Variants in CHUK observed in about 807,000 individuals in gnomAD.
CHUK encodes the protein inhibitor of nuclear factor kappa-B kinase subunit alpha.
CHUK carries 35 observed loss-of-function variants against 104.8 expected under a neutral mutation model. That is an observed-to-expected ratio of 0.33 (90% CI 0.26 to 0.44). The LOEUF (loss-of-function observed/expected upper bound fraction) is 0.44, where lower values mean the gene tolerates loss of function less well. CHUK is among the 20% of genes least tolerant of loss of function. The pLI is 1.00. For missense variants in CHUK, 663 were observed against 902.7 expected, an observed-to-expected ratio of 0.73 and a Z score of 3.40; for synonymous variants, 276 against 291.9, an observed-to-expected ratio of 0.95 and a Z score of 0.56.
chr10:100,229,364 C>T, intron 1 of CHUK, 64 bp downstream of exon 1: 2 of 1,223,546 alleles, frequency 1.6e-6, no homozygotes, highest in Admixed American at 1.8e-5. Context: ...GCCCTGTGTT[C>T]CACAGACGCT....
At chr10:100,203,670 T>C (rs1255324657) in intron 13 of CHUK, among the ~76,000 whole-genome samples, 2 of 152,094 alleles carry the variant, frequency 1.3e-5, no homozygotes, top group Non-Finnish European at 2.9e-5. Context: ...TTTAACTCTG[T>C]TTTTTTACAC....
chr10:100,217,530 G>C (rs940501054), intron 9 of CHUK, among the ~76,000 whole-genome samples: 1 of 152,120 alleles, frequency 6.6e-6, no homozygotes. Flanking sequence ...AACTGAGACA[G>C]CTTGCTAAAT....
In CHUK at chr10:100,193,213, C is replaced by A. The variant is rs541835205; in HGVS notation, c.2108+85G>T. 1.7e-4 allele frequency: 253 copies of A among 1,478,994 alleles called. No individual in the cohort carries two copies. The African/African-American group carries it at 3.2e-3, about 19-fold the overall frequency. 91.6% of individuals were successfully genotyped at this position (1,478,994 alleles called of 1,614,324 possible). ...AGGACTCAACCCTGGTCTGAAGGCA[C>A]AGAAGACTACCTTAACAACTACTGC... On this transcript the variant is annotated intron_variant, in intron 19 of 20. Coordinates refer to ENST00000370397, the MANE Select transcript of CHUK (RefSeq NM_001278.5).
In CHUK at chr10:100,200,682, C is replaced by T. The variant is rs778779760; in HGVS notation, c.1668G>A (p.Leu556=). The stretch of plus-strand genomic sequence containing the variant: ...AAGTGCATCCTTACAGAGATTCCAT[C>T]AAGTCTCCCTGACGTCTTCCATAGG... ...KSPYGRRQGD[L]MESLEQRAID... is the part of the protein sequence containing the mutation. Residue 556 remains leucine (L), a synonymous_variant, in exon 15 of 21, where the codon TTG becomes TTA. Coordinates refer to ENST00000370397, the MANE Select transcript of CHUK (RefSeq NM_001278.5). 6.6e-7 allele frequency: 1 copy of T among 1,509,626 alleles called. No individual in the cohort carries two copies. The highest frequency in any genetic ancestry group is 9.2e-7 in the Non-Finnish European group (1 of 1,085,420). The allele number at this position is 1,509,626 out of a possible 1,614,324, so 93.5% of individuals were successfully genotyped here.
chr10:100,220,614 T>G lies in CHUK; in HGVS notation c.448A>C (p.Ile150Leu). ...IIHRDLKPEN[I>L]VLQDVGGKII... ...TTTCCACCAACATCCTGAAGAACTATGTTTTCAGGTTTTAGATCTCGATGT... is the reference window on the plus strand; with the variant it reads ...TTTCCACCAACATCCTGAAGAACTAGGTTTTCAGGTTTTAGATCTCGATGT... Residue 150 changes from isoleucine (I) to leucine (L), a missense_variant, in exon 5 of 21, where the codon ATA becomes CTA. By Grantham distance (5) the Ile-to-Leu change is conservative. This residue lies in a region of CHUK where 200 missense variants were observed against 333.0 expected (regional missense o/e 0.60). Transcript: ENST00000370397. 1 of 1,611,820 alleles carries G rather than the reference T, an allele frequency of 6.2e-7. No individual in the cohort carries two copies. The highest frequency in any genetic ancestry group is 8.5e-7 in the Non-Finnish European group (1 of 1,178,016).
chr10:100,226,438 GT>G (rs1846107676), intron 1 of CHUK, among the ~76,000 whole-genome samples: 1 of 152,124 alleles, frequency 6.6e-6, no homozygotes, highest in Admixed American at 6.5e-5. Context: ...GCAAGAGAAA[GT>G]TTTAATATAA....
intron 16 of CHUK, chr10:100,194,735 A>G (rs1845285398): frequency 2.6e-6 from 1 of 387,708 alleles, no homozygotes; most frequent in East Asian, 5.1e-5. Context: ...CAGGTGTATA[A>G]TGTATATATA....
At position 100,190,901 on chromosome 10, in the gene CHUK, C is replaced by T; in HGVS notation, c.2176G>A (p.Glu726Lys). The T allele has an allele frequency of 6.2e-7, 1 of 1,611,780 alleles. No individual in the cohort carries two copies. Among genetic ancestry groups the T allele is most frequent in the Non-Finnish European group, 8.5e-7 (1 of 1,177,794 alleles). ...CLGHLSTIIH[E>K]ANEEQGNSMM... ...CTATTGCCCTGTTCCTCATTTGCCT[C>T]ATGAATAATAGTGCTTAAATGGCCA... The change falls in exon 20 of 21, where the codon GAG becomes AAG. Residue 726 changes from glutamate (E) to lysine (K), a missense_variant. Glu to Lys is a moderately conservative substitution (Grantham distance 56). Transcript: ENST00000370397.
At chr10:100,228,126 T>C (rs933769735) in intron 1 of CHUK, among the ~76,000 whole-genome samples, 1 of 152,216 alleles carries the variant, frequency 6.6e-6, no homozygotes, top group African/African-American at 2.4e-5. Context: ...TTTACACACA[T>C]TACTATTTTA....
intron 10 of CHUK, among the ~76,000 whole-genome samples, chr10:100,207,861 A>T (rs1845625458): frequency 6.6e-6 from 1 of 151,084 alleles, no homozygotes; most frequent in Non-Finnish European, 1.5e-5. Context: ...AATTTACTTT[A>T]AAAAAAAATC....
chr10:100,225,901 G>GTAA, intron 2 of CHUK, 22 bp downstream of exon 2: 1 of 1,404,828 alleles, frequency 7.1e-7, no homozygotes. Flanking sequence ...CCAGGGAAAT[G>GTAA]TAAGTCAAGG....
rs202214431 is a variant in CHUK, at chr10:100,229,415, C to G, written c.105+13G>C. 1.3e-6 allele frequency: 2 copies of G among 1,592,298 alleles called. No homozygotes were observed. Among genetic ancestry groups the G allele is most frequent in the Admixed American group, 1.7e-5 (1 of 59,546 alleles). On this transcript the variant is annotated intron_variant, in intron 1 of 20. Coordinates refer to ENST00000370397, the MANE Select transcript of CHUK (RefSeq NM_001278.5). ...TCCAACCCACCGCCGCTCCCTCTCA[C>G]GCCCCGCCTCACCCGATGCTGGTAC...
chr10:100,197,502 G>A (rs1278474427), intron 16 of CHUK, among the ~76,000 whole-genome samples: 1 of 151,696 alleles, frequency 6.6e-6, no homozygotes, highest in African/African-American at 2.4e-5. Context: ...GGGTTTTTCA[G>A]GAATTAAACA....
rs1223723882 is a variant in CHUK at position 100,190,884 on chromosome 10, C to G, written c.2193G>C (p.Gln731His). Residue 731 changes from glutamine to histidine, a missense_variant, in exon 20 of 21, where the codon CAG becomes CAC. Gln to His is a conservative substitution (Grantham distance 24). Around this residue, in one of 5 missense-constraint regions of CHUK, gnomAD observed 311 missense variants for 393.4 expected, o/e 0.79. Coordinates refer to ENST00000370397, the MANE Select transcript of CHUK (RefSeq NM_001278.5). ...CAAAACTTACCATCATACTATTGCCCTGTTCCTCATTTGCCTCATGAATAA... is the reference window on the plus strand; with the variant it reads ...CAAAACTTACCATCATACTATTGCCGTGTTCCTCATTTGCCTCATGAATAA... ...STIIHEANEE[Q>H]GNSMMNLDWS... The G allele has an allele frequency of 6.2e-7, 1 of 1,603,902 alleles. No individual in the cohort carries two copies. Among genetic ancestry groups the G allele is most frequent in the South Asian group, 1.1e-5 (1 of 90,862 alleles).
At chr10:100,202,773 T>A (rs1056749909) in intron 13 of CHUK, among the ~76,000 whole-genome samples, 15 of 151,692 alleles carry the variant, frequency 9.9e-5, no homozygotes, top group Admixed American at 3.3e-4. Context: ...ACAAAAAAAA[T>A]TTTTTTTTGA....
intron 20 of CHUK, chr10:100,190,281 A>G (rs1845166656): frequency 6.3e-6 from 1 of 158,246 alleles, no homozygotes; most frequent in African/African-American, 2.4e-5. Flanking sequence ...TTGGCCTCCC[A>G]AAGTGCTAGG....
chr10:100,213,391 C>T (rs569493623), intron 9 of CHUK, among the ~76,000 whole-genome samples: 23 of 150,306 alleles, frequency 1.5e-4, no homozygotes, highest in Admixed American at 6.7e-4. Flanking sequence ...GGCTGAGGCA[C>T]GAGAGAATCA....
intron 2 of CHUK, among the ~76,000 whole-genome samples, chr10:100,223,794 C>A (rs1444781123): frequency 6.6e-6 from 1 of 152,218 alleles, no homozygotes; most frequent in Non-Finnish European, 1.5e-5. Context: ...ACTTTACCAA[C>A]CACCAGCTAT....
chr10:100,220,371 A>G (rs1367844259), intron 5 of CHUK, among the ~76,000 whole-genome samples: 1 of 150,226 alleles, frequency 6.7e-6, no homozygotes, highest in Non-Finnish European at 1.5e-5. Context: ...AAGAAAAAGA[A>G]AAAAAAAGCA....
Sources: gnomAD v4.1 joint callset for allele counts (sites outside exome capture counted in the v4.1 genomes callset) on GRCh38, gnomAD v4.1.1 for gene constraint, gnomAD v4.1.1 regional missense constraint, MANE v1.5 for transcripts, NCBI Gene and HGNC (gene_info 2026-07-23, HGNC 2026-07-21) for gene names.